LRRC4C: variants seen among roughly 807,000 people sequenced by gnomAD.
LRRC4C encodes the protein leucine-rich repeat-containing protein 4C.
In LRRC4C, 5 loss-of-function variants were observed where a neutral mutation model predicts 33.6. The observed-to-expected ratio is 0.15, with a 90% confidence interval of 0.08 to 0.31. The LOEUF is 0.31. LRRC4C is among the 10% of genes least tolerant of loss of function. The pLI is 1.00. For synonymous variants in LRRC4C, 329 were observed against 302.0 expected (o/e 1.09, Z -0.93); for missense variants, 560 against 796.7 (o/e 0.70, Z 3.58).
intron 1 of LRRC4C, among the ~76,000 whole-genome samples, chr11:41,348,481 C>A (rs1442248752): frequency 6.6e-6 from 1 of 151,940 alleles, no homozygotes; most frequent in Non-Finnish European, 1.5e-5. Context: ...GTAGGAAAAG[C>A]AAAGACCTTT....
At chr11:41,351,853 C>A (rs1951995843) in intron 1 of LRRC4C, among the ~76,000 whole-genome samples, 2 of 152,130 alleles carry the variant, frequency 1.3e-5, no homozygotes, top group Admixed American at 6.5e-5. Context: ...ATCAGACCTG[C>A]CATACAAGAG....
chr11:40,235,808 C>T (rs567885625), intron 5 of LRRC4C, among the ~76,000 whole-genome samples: 13 of 152,238 alleles, frequency 8.5e-5, no homozygotes, highest in Admixed American at 2.6e-4. Context: ...TAGTGTGATA[C>T]AATCTTCAAC....
intron 1 of LRRC4C, among the ~76,000 whole-genome samples, chr11:41,387,402 G>C (rs954727599): frequency 6.6e-6 from 1 of 151,648 alleles, no homozygotes; most frequent in African/African-American, 2.4e-5. Context: ...GAAACAAAGA[G>C]TTTTCTAAAT....
At chr11:41,450,647 A>C (rs1034391975) in intron 1 of LRRC4C, among the ~76,000 whole-genome samples, 2 of 152,090 alleles carry the variant, frequency 1.3e-5, no homozygotes, top group Non-Finnish European at 2.9e-5. Context: ...GCAACTATAA[A>C]GTTTTTAATA....
At chr11:41,443,843 G>A (rs988512976) in intron 1 of LRRC4C, among the ~76,000 whole-genome samples, 2 of 146,198 alleles carry the variant, frequency 1.4e-5, no homozygotes, top group African/African-American at 2.5e-5. Flanking sequence ...GGCTGGTCTC[G>A]AATTCCTGAC....
intron 1 of LRRC4C, among the ~76,000 whole-genome samples, chr11:41,295,742 T>A (rs1488337924): frequency 1.3e-5 from 2 of 152,212 alleles, no homozygotes; most frequent in Non-Finnish European, 2.9e-5. Flanking sequence ...AAGCTGCCTT[T>A]TTATTATTTC....
intron 2 of LRRC4C, among the ~76,000 whole-genome samples, chr11:40,825,847 G>A (rs191171775): frequency 3.4e-5 from 5 of 147,242 alleles, no homozygotes; most frequent in Non-Finnish European, 1.5e-5. Flanking sequence ...AAAGAAGCCA[G>A]TTGTATATTC....
intron 5 of LRRC4C, among the ~76,000 whole-genome samples, chr11:40,189,841 T>G (rs79735460): frequency 0.024 from 3,702 of 152,292 alleles, 141 homozygotes; most frequent in African/African-American, 0.084. Context: ...CATTGAGCAA[T>G]GTAGGTTAAC....
intron 1 of LRRC4C, among the ~76,000 whole-genome samples, chr11:41,076,503 G>T (rs1939160513): frequency 6.6e-6 from 1 of 152,172 alleles, no homozygotes; most frequent in South Asian, 2.1e-4. Context: ...AGTGGGAGGT[G>T]CTACACATTT....
chr11:40,906,783 G>A (rs540345568), intron 2 of LRRC4C, among the ~76,000 whole-genome samples: 9 of 151,932 alleles, frequency 5.9e-5, no homozygotes, highest in East Asian at 1.9e-4. Flanking sequence ...CTATATGTAC[G>A]TGTGTATATT....
At chr11:40,609,491 C>T (rs2076828457) in intron 3 of LRRC4C, among the ~76,000 whole-genome samples, 1 of 151,652 alleles carries the variant, frequency 6.6e-6, no homozygotes, top group African/African-American at 2.4e-5. Flanking sequence ...TGTACCTCAA[C>T]ACACTAGGAA....
chr11:40,174,758 T>C (rs1307731933), intron 5 of LRRC4C, among the ~76,000 whole-genome samples: 3 of 152,198 alleles, frequency 2.0e-5, no homozygotes, highest in Non-Finnish European at 2.9e-5. Context: ...CAATAACCAA[T>C]GGATTTTTTA....
chr11:40,182,415 G>A (rs1861081858), intron 5 of LRRC4C, among the ~76,000 whole-genome samples: 1 of 152,116 alleles, frequency 6.6e-6, no homozygotes, highest in Non-Finnish European at 1.5e-5. Context: ...CATAAAAAAA[G>A]AGTTACTGTA....
intron 2 of LRRC4C, among the ~76,000 whole-genome samples, chr11:40,824,385 A>G (rs1952070415): frequency 6.6e-6 from 1 of 152,066 alleles, no homozygotes; most frequent in East Asian, 1.9e-4. Flanking sequence ...TATTAAAATT[A>G]AAATGAAAAA....
chr11:40,621,726 G>C (rs554672960), intron 3 of LRRC4C, among the ~76,000 whole-genome samples: 2 of 151,754 alleles, frequency 1.3e-5, no homozygotes, highest in Non-Finnish European at 2.9e-5. Flanking sequence ...TACATGGTAT[G>C]TGCTCAATTA....
At chr11:40,132,669 GA>G (rs1856725409) in intron 6 of LRRC4C, among the ~76,000 whole-genome samples, 1 of 151,974 alleles carries the variant, frequency 6.6e-6, no homozygotes, top group African/African-American at 2.4e-5. Flanking sequence ...AATATTAGTG[GA>G]AAAACAACCA....
intron 4 of LRRC4C, among the ~76,000 whole-genome samples, chr11:40,259,845 C>T (rs1163036446): frequency 2.0e-5 from 3 of 152,040 alleles, no homozygotes; most frequent in Non-Finnish European, 2.9e-5. Flanking sequence ...AAATCAAAAC[C>T]ACAATGAGAT....
chr11:40,861,662 C>T (rs568109220), intron 2 of LRRC4C, among the ~76,000 whole-genome samples: 60 of 152,228 alleles, frequency 3.9e-4, no homozygotes, highest in African/African-American at 1.3e-3. Context: ...TAGTTTGTTA[C>T]GCATTGCTGT....
intron 3 of LRRC4C, among the ~76,000 whole-genome samples, chr11:40,334,778 T>A (rs1396360553): frequency 6.6e-6 from 1 of 152,214 alleles, no homozygotes; most frequent in Non-Finnish European, 1.5e-5. Context: ...TTTACTTTAT[T>A]TCTTTTTTCT....
Sources: gnomAD v4.1 joint callset for allele counts (sites outside exome capture counted in the v4.1 genomes callset) on GRCh38, gnomAD v4.1.1 for gene constraint, MANE v1.5 for transcripts, NCBI Gene and HGNC (gene_info 2026-07-23, HGNC 2026-07-21) for gene names.